MEI1: variants seen among roughly 807,000 people sequenced by gnomAD.
The protein encoded by MEI1 is meiotic double-stranded break formation protein 1.
MEI1 carries 103 observed loss-of-function variants against 146.2 expected under a neutral mutation model. The observed-to-expected ratio is 0.70, with a 90% CI of 0.60 to 0.83. The LOEUF (loss-of-function observed/expected upper bound fraction) is 0.83, where lower values mean the gene tolerates loss of function less well. Ranked by LOEUF, MEI1 falls within the 40% of genes least tolerant of loss-of-function variation. MEI1 has a pLI of 0.00. For missense variants in MEI1, 1,529 were observed against 1,533.0 expected, an observed-to-expected ratio of 1.00 and a Z score of 0.04; for synonymous variants, 652 against 628.2, an observed-to-expected ratio of 1.04 and a Z score of -0.57.
chr22:41,722,360 T>C (rs1263761425), intron 6 of MEI1, among the ~76,000 whole-genome samples: 2 of 152,084 alleles, frequency 1.3e-5, no homozygotes, highest in East Asian at 1.9e-4. Flanking sequence ...TACAGTAGCA[T>C]GTTCATAGCT....
intron 20 of MEI1, among the ~76,000 whole-genome samples, chr22:41,773,377 T>C (rs766972388): frequency 2.0e-5 from 3 of 152,014 alleles, no homozygotes; most frequent in Non-Finnish European, 4.4e-5. Flanking sequence ...GGAACACTCT[T>C]GGTTTGCTTC....
In MEI1 at chr22:41,745,155, GAT is replaced by G. The variant is rs1491204123; in HGVS notation, c.1538+92_1538+93del. 6.7e-6 allele frequency: 6 copies of G among 889,028 alleles called. No homozygotes were observed. The East Asian group carries it at 1.9e-4, about 28-fold the overall frequency. 55.1% of individuals were successfully genotyped at this position (889,028 alleles called of 1,614,324 possible). On this transcript the variant is annotated intron_variant, in intron 13 of 30. Transcript: ENST00000401548. ...GGGTGAAGTTCTAGAGGCAACACTT[GAT>G]TTCTGATACTCTGCTGTATGGCAAA...
In MEI1 at chr22:41,724,571, C is replaced by A. The variant is rs191729150; in HGVS notation, c.864+498C>A. On this transcript the variant is annotated intron_variant, in intron 7 of 30. Transcript: ENST00000401548. The stretch of plus-strand genomic sequence containing the variant: ...AGGCGGAGGTTGCAGTGAGCCAAGA[C>A]CGCGCCACTGCACTCCAGCCTGGTG... Among the ~76,000 whole-genome samples, 1,055 of 149,294 alleles carry A rather than the reference C, an allele frequency of 7.1e-3. 11 individuals carry two copies. The highest frequency in any genetic ancestry group is 0.024 in the African/African-American group (988 of 40,438).
intron 6 of MEI1, chr22:41,721,989 G>C (rs1053321719): frequency 2.3e-4 from 35 of 150,780 alleles, no homozygotes; most frequent in African/African-American, 8.3e-4. Context: ...AAAGTGTTGG[G>C]ATTACAGGCG....
chr22:41,721,078 C>CT (rs1296233174), intron 6 of MEI1, among the ~76,000 whole-genome samples: 15 of 149,760 alleles, frequency 1.0e-4, no homozygotes, highest in East Asian at 7.9e-4. Context: ...TGCGCCCAGC[C>CT]TTTTTTTTGT....
At position 41,699,709 on chromosome 22, in the gene MEI1, G is replaced by A. The variant is rs760024007; in HGVS notation, c.171G>A (p.Val57=). ...TGGAGCTGCTGCCGGACCCCGGCGT[G>A]TCGGTGCGGGCGGAACCTTTTCTTC... ...CALELLPDPG[V]SLVRKKHMLS... Residue 57 remains valine, a synonymous_variant, in exon 1 of 31, where the codon GTG becomes GTA. Coordinates refer to ENST00000401548, the MANE Select transcript of MEI1 (RefSeq NM_152513.4). The A allele has an allele frequency of 2.6e-6, 4 of 1,567,714 alleles. No homozygotes were observed. The highest frequency in any genetic ancestry group is 1.9e-5 in the Admixed American group (1 of 52,458).
At chr22:41,743,893 C>T (rs148590420) in intron 12 of MEI1, among the ~76,000 whole-genome samples, 1 of 151,298 alleles carries the variant, frequency 6.6e-6, no homozygotes, top group African/African-American at 2.4e-5. Context: ...TTTTTTTTCC[C>T]GAGATGGAGT....
chr22:41,725,676 C>T (rs2071269484), intron 7 of MEI1, among the ~76,000 whole-genome samples: 1 of 152,244 alleles, frequency 6.6e-6, no homozygotes, highest in South Asian at 2.1e-4. Flanking sequence ...AGTTGCTCTT[C>T]CTCTGCCTAT....
intron 24 of MEI1, 133 bp downstream of exon 24, chr22:41,781,978 C>A: frequency 2.1e-6 from 2 of 961,536 alleles, no homozygotes; most frequent in Non-Finnish European, 1.5e-6. Flanking sequence ...CCTTTCTGAG[C>A]TCAGTTTCCT....
In MEI1 at chr22:41,721,390, G is replaced by A. The variant is rs191386899; in HGVS notation, c.734-2553G>A. Among the ~76,000 whole-genome samples the A allele has an allele frequency of 5.3e-5, 8 of 150,952 alleles. No homozygotes were observed. In the East Asian group the frequency reaches 9.9e-4, roughly 19 times the overall value. The stretch of plus-strand genomic sequence containing the variant: ...CTCCTGAGTAGCTGGGACTACAGGC[G>A]CATGCCACCACATCTGGCTATTTTT... On this transcript the variant is annotated intron_variant, in intron 6 of 30. Transcript: ENST00000401548.
chr22:41,769,862 C>T lies in MEI1; in HGVS notation c.2269-824C>T, dbSNP rs184282944. On this transcript the variant is annotated intron_variant, in intron 19 of 30. Transcript: ENST00000401548. ...AGAAATTATTCAACAAGGCCGGGCACGGTGGCTCACACCTGTAATCCCAGC... is the reference window on the plus strand; with the variant it reads ...AGAAATTATTCAACAAGGCCGGGCATGGTGGCTCACACCTGTAATCCCAGC... Among the ~76,000 whole-genome samples the T allele has an allele frequency of 5.6e-4, 85 of 151,864 alleles. 2 individuals carry two copies. The Middle Eastern group carries it at 0.027, about 49-fold the overall frequency.
At chr22:41,724,895 C>T (rs375058954) in intron 7 of MEI1, among the ~76,000 whole-genome samples, 2 of 151,812 alleles carry the variant, frequency 1.3e-5, no homozygotes, top group African/African-American at 2.4e-5. Flanking sequence ...CCTCAACCTC[C>T]TGGGCTCAAG....
At chr22:41,738,516 G>A (rs2072579185) in intron 11 of MEI1, among the ~76,000 whole-genome samples, 1 of 152,138 alleles carries the variant, frequency 6.6e-6, no homozygotes, top group African/African-American at 2.4e-5. Context: ...GAACCTGGGA[G>A]GCGGAGGTTG....
chr22:41,705,196 G>C (rs1361239254), intron 2 of MEI1, among the ~76,000 whole-genome samples: 1 of 119,914 alleles, frequency 8.3e-6, no homozygotes, highest in African/African-American at 3.2e-5. Flanking sequence ...TTTTTTTCTT[G>C]AGACAGTCTG....
intron 24 of MEI1, among the ~76,000 whole-genome samples, chr22:41,782,903 C>T (rs1159892645): frequency 6.6e-6 from 1 of 152,148 alleles, no homozygotes; most frequent in East Asian, 1.9e-4. Flanking sequence ...GATCATTCGT[C>T]CTCCCCACTA....
intron 8 of MEI1, among the ~76,000 whole-genome samples, 171 bp downstream of exon 8, chr22:41,729,950 T>C (rs2071710648): frequency 1.3e-5 from 2 of 152,210 alleles, no homozygotes; most frequent in South Asian, 4.1e-4. Flanking sequence ...GTCATTTATT[T>C]GGTCATCTAT....
intron 26 of MEI1, among the ~76,000 whole-genome samples, chr22:41,790,330 C>A (rs1023402908): frequency 6.6e-6 from 1 of 152,154 alleles, no homozygotes; most frequent in African/African-American, 2.4e-5. Flanking sequence ...AGTGATCTGC[C>A]TGCCTTGGCA....
At chr22:41,790,803 G>A (rs906681406) in intron 26 of MEI1, among the ~76,000 whole-genome samples, 1 of 152,082 alleles carries the variant, frequency 6.6e-6, no homozygotes, top group African/African-American at 2.4e-5. Flanking sequence ...ATATTGGCCA[G>A]GTTGGTCTCG....
At chr22:41,742,346 A>G (rs1179876198) in intron 11 of MEI1, among the ~76,000 whole-genome samples, 1 of 152,060 alleles carries the variant, frequency 6.6e-6, no homozygotes, top group Non-Finnish European at 1.5e-5. Context: ...AGAGCTTATT[A>G]CTTATTGGAA....
Sources: gnomAD v4.1 joint callset for allele counts (sites outside exome capture counted in the v4.1 genomes callset) on GRCh38, gnomAD v4.1.1 for gene constraint, MANE v1.5 for transcripts, NCBI Gene and HGNC (gene_info 2026-07-23, HGNC 2026-07-21) for gene names.